KLHL10: variants seen among roughly 807,000 people sequenced by gnomAD.
The protein encoded by KLHL10 is kelch-like protein 10.
In KLHL10, 11 loss-of-function variants were observed where a neutral mutation model predicts 46.6. That is an observed-to-expected ratio of 0.24 (90% CI 0.15 to 0.39). KLHL10 has a LOEUF of 0.39. Ranked by LOEUF, KLHL10 falls within the 10% of genes least tolerant of loss-of-function variation. KLHL10 has a pLI of 1.00. For synonymous variants in KLHL10, 254 were observed against 279.1 expected (o/e 0.91, Z 0.90); for missense variants, 475 against 789.8 (o/e 0.60, Z 4.78).
Position 41,844,840 on chromosome 17 carries a change from C to T in KLHL10, c.685-286C>T, listed in dbSNP as rs868957004. Among the ~76,000 whole-genome samples, 6 of 152,030 alleles carry T rather than the reference C, an allele frequency of 3.9e-5. No homozygotes were observed. In the South Asian group the frequency reaches 6.2e-4, roughly 16 times the overall value. ...CTGGGATTACGGCCGTGAGCCACCTCGCCTGGCCCCAATTTTTGTATTTTT... is the reference window on the plus strand; with the variant it reads ...CTGGGATTACGGCCGTGAGCCACCTTGCCTGGCCCCAATTTTTGTATTTTT... On this transcript the variant is annotated intron_variant, in intron 2 of 4. Transcript: ENST00000293303.
At chr17:41,844,086 G>A (rs1012185030) in intron 2 of KLHL10, among the ~76,000 whole-genome samples, 9 of 151,964 alleles carry the variant, frequency 5.9e-5, no homozygotes, top group African/African-American at 2.2e-4. Flanking sequence ...TTTGAGACAA[G>A]TCTCACTCTG....
upstream of KLHL10, chr17:41,837,762 A>C (rs781951016): frequency 1.5e-5 from 22 of 1,434,804 alleles, no homozygotes; most frequent in Admixed American, 2.7e-5. Flanking sequence ...ACCTGAGAGC[A>C]CAATCCTGTG....
At chr17:41,836,751 G>A (rs377015412), upstream of KLHL10, among the ~76,000 whole-genome samples, 472 of 152,116 alleles carry the variant, frequency 3.1e-3, 5 homozygotes, top group African/African-American at 0.011. Flanking sequence ...ACTTGAGCCC[G>A]GGAGATCCAG....
At chr17:41,836,325 A>T, upstream of KLHL10, 1 of 1,213,060 alleles carries the variant, frequency 8.2e-7, no homozygotes, top group African/African-American at 1.6e-5. Flanking sequence ...TGGGGCCGAG[A>T]ATCGAGCGGT....
upstream of KLHL10, chr17:41,837,427 C>T (rs2048176081): frequency 1.3e-5 from 4 of 303,172 alleles, no homozygotes; most frequent in South Asian, 3.6e-4. Flanking sequence ...GCTGGGATTA[C>T]AGGTGTGAGC....
Position 41,848,362 on chromosome 17 carries a change from A to G in KLHL10, c.*55A>G. ...AGCAATAAGAATTAATTCTTTTTTTAAAAAAATGCAGTGTTTAAACTTTGA... is the reference window on the plus strand; with the variant it reads ...AGCAATAAGAATTAATTCTTTTTTTGAAAAAATGCAGTGTTTAAACTTTGA... On this transcript the variant is annotated 3_prime_UTR_variant, in exon 5 of 5. Transcript: ENST00000293303. 1.9e-6 allele frequency: 3 copies of G among 1,564,144 alleles called. 1 individual carries two copies. The Admixed American group carries it at 5.2e-5, about 27-fold the overall frequency.
rs557269245 is a variant in KLHL10 at position 41,837,875 on chromosome 17, C to A, written c.-58C>A. 2,340 of 1,609,712 alleles carry A rather than the reference C, an allele frequency of 1.5e-3. 6 individuals carry two copies. The highest frequency in any genetic ancestry group is 1.8e-3 in the Non-Finnish European group (2,153 of 1,179,544). On this transcript the variant is annotated 5_prime_UTR_variant, in exon 1 of 5. Coordinates refer to ENST00000293303, the MANE Select transcript of KLHL10 (RefSeq NM_152467.5). Reference sequence around the variant, plus strand: ...GAGCGACAGCTGGCTAAAGGGGCCCCCCACAACCCTCCCCGACACCCTAGG... The same window carrying A: ...GAGCGACAGCTGGCTAAAGGGGCCCACCACAACCCTCCCCGACACCCTAGG...
chr17:41,842,732 G>A (rs1483938367), intron 2 of KLHL10, among the ~76,000 whole-genome samples: 5 of 152,074 alleles, frequency 3.3e-5, no homozygotes. Flanking sequence ...GAGGTCAGGA[G>A]TTCGAGACCA....
At position 41,847,421 on chromosome 17, in the gene KLHL10, C is replaced by A. The variant is rs1221361886; in HGVS notation, c.1452+11C>A. 1 of 1,613,336 alleles carries A rather than the reference C, an allele frequency of 6.2e-7. No individual in the cohort carries two copies. Among genetic ancestry groups the A allele is most frequent in the Non-Finnish European group, 8.5e-7 (1 of 1,179,738 alleles). On this transcript the variant is annotated intron_variant, in intron 4 of 4. Coordinates refer to ENST00000293303, the MANE Select transcript of KLHL10 (RefSeq NM_152467.5). ...GAACATGTATATGCGGTAAGTTTAT[C>A]TAGTACCACACACACACAAAAAACA...
chr17:41,839,097 T>G (rs1234321009), intron 1 of KLHL10, among the ~76,000 whole-genome samples: 1 of 152,148 alleles, frequency 6.6e-6, no homozygotes. Context: ...GCTCAAGCGA[T>G]TCTTCTGTCT....
At chr17:41,842,702 C>T (rs1370284430) in intron 2 of KLHL10, among the ~76,000 whole-genome samples, 1 of 151,978 alleles carries the variant, frequency 6.6e-6, no homozygotes, top group Non-Finnish European at 1.5e-5. Context: ...AGCACTTTGG[C>T]CAAGATGGGC....
upstream of KLHL10, chr17:41,835,707 C>T (rs1415271342): frequency 4.8e-6 from 4 of 837,192 alleles, no homozygotes; most frequent in Admixed American, 2.0e-5. Flanking sequence ...TTAGGACAGG[C>T]GAACCAACCC....
intron 1 of KLHL10, among the ~76,000 whole-genome samples, chr17:41,839,994 C>T (rs1038582028): frequency 1.3e-5 from 2 of 152,162 alleles, no homozygotes; most frequent in Non-Finnish European, 2.9e-5. Flanking sequence ...ATTCTCCTGC[C>T]TCAGCCTCCC....
In KLHL10 at chr17:41,845,113, G is replaced by A. The variant is rs201674190; in HGVS notation, c.685-13G>A. 1.3e-4 allele frequency: 211 copies of A among 1,614,142 alleles called. No homozygotes were observed. Among genetic ancestry groups the A allele is most frequent in the Non-Finnish European group, 1.6e-4 (186 of 1,180,040 alleles). ...TCACGTCACCTGAATGACTTTCTGCGTTTGCTTCTTAGGTTCGCCTGGCCC... is the reference window on the plus strand; with the variant it reads ...TCACGTCACCTGAATGACTTTCTGCATTTGCTTCTTAGGTTCGCCTGGCCC... On this transcript the variant is annotated splice_polypyrimidine_tract_variant and intron_variant, in intron 2 of 4. Coordinates refer to ENST00000293303, the MANE Select transcript of KLHL10 (RefSeq NM_152467.5).
At chr17:41,836,255 G>A (rs1042022632), upstream of KLHL10, 102 of 1,208,128 alleles carry the variant, frequency 8.4e-5, no homozygotes, top group South Asian at 3.2e-3. Flanking sequence ...GCACTGCGCA[G>A]GCGTCGCCTC....
At chr17:41,844,841 G>A (rs944238304) in intron 2 of KLHL10, among the ~76,000 whole-genome samples, 7 of 151,738 alleles carry the variant, frequency 4.6e-5, no homozygotes, top group African/African-American at 1.5e-4. Flanking sequence ...GAGCCACCTC[G>A]CCTGGCCCCA....
rs1555621740 is a variant in KLHL10 at position 41,848,339 on chromosome 17, C to G, written c.*32C>G. The G allele has an allele frequency of 6.3e-7, 1 of 1,593,202 alleles. No homozygotes were observed. The highest frequency in any genetic ancestry group is 1.3e-5 in the African/African-American group (1 of 74,504). ...TCATTTAGCTAATAAAAAGTCTAAG[C>G]AATAAGAATTAATTCTTTTTTTAAA... On this transcript the variant is annotated 3_prime_UTR_variant, in exon 5 of 5. Coordinates refer to ENST00000293303, the MANE Select transcript of KLHL10 (RefSeq NM_152467.5).
At chr17:41,847,487 A>G in intron 4 of KLHL10, 77 bp downstream of exon 4, 5 of 1,558,130 alleles carry the variant, frequency 3.2e-6, no homozygotes, top group Non-Finnish European at 4.4e-6. Context: ...GGTTTATGCT[A>G]CTATTGGTAA....
chr17:41,838,208 C>A, intron 1 of KLHL10, 82 bp downstream of exon 1: 3 of 1,229,298 alleles, frequency 2.4e-6, no homozygotes, highest in South Asian at 1.2e-5. Context: ...GTTTCCCACC[C>A]CATCACCTTA....
Sources: gnomAD v4.1 joint callset for allele counts (sites outside exome capture counted in the v4.1 genomes callset) on GRCh38, gnomAD v4.1.1 for gene constraint, MANE v1.5 for transcripts, NCBI Gene and HGNC (gene_info 2026-07-23, HGNC 2026-07-21) for gene names.